Variants in IQSEC1 observed in about 807,000 individuals in gnomAD.
IQSEC1 encodes the protein IQ motif and Sec7 domain ArfGEF 1, also known as IQ motif and SEC7 domain-containing protein 1.
In IQSEC1, 31 loss-of-function variants were observed where a neutral mutation model predicts 91.0. The observed-to-expected ratio is 0.34, with a 90% confidence interval of 0.26 to 0.46. The LOEUF (loss-of-function observed/expected upper bound fraction) is 0.46, where lower values mean the gene tolerates loss of function less well. Ranked by LOEUF, IQSEC1 falls within the 20% of genes least tolerant of loss-of-function variation. IQSEC1 has a pLI of 1.00. For missense variants in IQSEC1, 1,388 were observed against 1,575.6 expected (o/e 0.88, Z 2.02); for synonymous variants, 699 against 662.6 (o/e 1.05, Z -0.84).
At chr3:13,100,577 T>C (rs965865141) in intron 2 of IQSEC1, among the ~76,000 whole-genome samples, 4 of 148,330 alleles carry the variant, frequency 2.7e-5, no homozygotes, top group African/African-American at 1.0e-4. Context: ...AACTACAAGG[T>C]CACTGATTTT....
chr3:13,233,825 A>C (rs552297472), intron 1 of IQSEC1, among the ~76,000 whole-genome samples: 28 of 152,296 alleles, frequency 1.8e-4, no homozygotes, highest in Admixed American at 1.3e-3. Context: ...CTCCCTGCTC[A>C]CATGTGGTAT....
chr3:12,964,232 C>T (rs903426887), intron 1 of IQSEC1, among the ~76,000 whole-genome samples: 4 of 152,096 alleles, frequency 2.6e-5, no homozygotes, highest in African/African-American at 9.7e-5. Flanking sequence ...GGCCTCTAAA[C>T]TCATTACAAT....
chr3:12,951,633 G>A (rs1031591260), intron 1 of IQSEC1, among the ~76,000 whole-genome samples: 1 of 152,170 alleles, frequency 6.6e-6, no homozygotes, highest in Non-Finnish European at 1.5e-5. Context: ...GCAGTTCTAG[G>A]AGAATGATGC....
intron 1 of IQSEC1, among the ~76,000 whole-genome samples, chr3:13,059,664 T>C (rs879656451): frequency 6.4e-4 from 98 of 152,058 alleles, no homozygotes; most frequent in African/African-American, 2.3e-3. Context: ...GGTGGGAGGA[T>C]CACCCGAGCC....
At chr3:13,195,933 T>G (rs73031474) in intron 1 of IQSEC1, among the ~76,000 whole-genome samples, 1 of 152,326 alleles carries the variant, frequency 6.6e-6, no homozygotes, top group South Asian at 2.1e-4. Context: ...TGGAGGAAAC[T>G]GGGTGGAGGG....
chr3:12,920,647 G>A (rs1340282611), intron 5 of IQSEC1, 51 bp from the exon 6 acceptor site: 1 of 1,581,906 alleles, frequency 6.3e-7, no homozygotes, highest in Non-Finnish European at 8.7e-7. Flanking sequence ...AAGTGACACG[G>A]CCCCTCTCTC....
At chr3:13,138,449 C>A (rs1206870284) in intron 2 of IQSEC1, among the ~76,000 whole-genome samples, 3 of 152,026 alleles carry the variant, frequency 2.0e-5, no homozygotes, top group Non-Finnish European at 4.4e-5. Context: ...AACACCCACC[C>A]CTGCAGCCTC....
At chr3:13,274,687 G>A (rs1695647090) in intron 1 of IQSEC1, among the ~76,000 whole-genome samples, 1 of 152,222 alleles carries the variant, frequency 6.6e-6, no homozygotes, top group South Asian at 2.1e-4. Context: ...AGCGGAGTGG[G>A]GAGGTCAGAC....
chr3:12,915,082 G>A, intron 8 of IQSEC1, 22 bp downstream of exon 8: 1 of 1,597,824 alleles, frequency 6.3e-7, no homozygotes, highest in Non-Finnish European at 8.5e-7. Flanking sequence ...ACCCACAAAG[G>A]TAAAACCAGA....
At chr3:12,923,223 T>C (rs1298038370) in intron 4 of IQSEC1, among the ~76,000 whole-genome samples, 4 of 152,170 alleles carry the variant, frequency 2.6e-5, no homozygotes, top group African/African-American at 9.7e-5. Context: ...GCCACTGCTA[T>C]TTTCTGACCT....
chr3:13,108,539 T>C (rs17833070), intron 2 of IQSEC1, among the ~76,000 whole-genome samples: 12,737 of 152,062 alleles, frequency 0.084, 534 homozygotes, highest in Middle Eastern at 0.15. Flanking sequence ...AGCACTCATG[T>C]TTCCTCTTGC....
intron 1 of IQSEC1, among the ~76,000 whole-genome samples, chr3:13,190,801 G>T (rs1188495754): frequency 6.6e-6 from 1 of 152,190 alleles, no homozygotes; most frequent in Non-Finnish European, 1.5e-5. Flanking sequence ...TAAGTTAAAG[G>T]AGAGTACAGG....
rs531882412 is a variant in IQSEC1 at position 12,989,214 on chromosome 3, C to T, written c.24-47349G>A. 4.7e-4 allele frequency among the ~76,000 whole-genome samples: 71 copies of T among 152,330 alleles called. 1 individual carries two copies. The South Asian group carries it at 0.014, about 31-fold the overall frequency. On this transcript the variant is annotated intron_variant, in intron 1 of 13. Coordinates refer to ENST00000613206, the MANE Select transcript of IQSEC1 (RefSeq NM_001134382.3). Reference sequence around the variant, plus strand: ...AAAAGCTCCCGGAGGGCATGGCTTTCGGTCTCTTTTGCTCCAGTGGTAACC... The same window carrying T: ...AAAAGCTCCCGGAGGGCATGGCTTTTGGTCTCTTTTGCTCCAGTGGTAACC...
At chr3:13,089,362 T>G (rs2125137432) in intron 2 of IQSEC1, among the ~76,000 whole-genome samples, 1 of 152,336 alleles carries the variant, frequency 6.6e-6, no homozygotes, top group Non-Finnish European at 1.5e-5. Context: ...GGAGAATTAC[T>G]TGAGCCCAGG....
At chr3:12,985,670 G>T (rs1384852743) in intron 1 of IQSEC1, among the ~76,000 whole-genome samples, 1 of 152,168 alleles carries the variant, frequency 6.6e-6, no homozygotes, top group African/African-American at 2.4e-5. Flanking sequence ...AGTGGGGGGG[G>T]TCACTGGATA....
At chr3:13,114,042 C>T (rs946425040) in intron 2 of IQSEC1, among the ~76,000 whole-genome samples, 3 of 152,234 alleles carry the variant, frequency 2.0e-5, no homozygotes, top group Non-Finnish European at 4.4e-5. Context: ...GTAGGCTTAG[C>T]GTGTGCACAC....
chr3:13,013,105 C>T (rs1233171263), intron 1 of IQSEC1, among the ~76,000 whole-genome samples: 1 of 151,936 alleles, frequency 6.6e-6, no homozygotes, highest in East Asian at 1.9e-4. Flanking sequence ...GGATTACCGG[C>T]ATGCGCCACC....
intron 3 of IQSEC1, among the ~76,000 whole-genome samples, chr3:12,932,627 T>C (rs777215479): frequency 3.9e-5 from 6 of 152,212 alleles, no homozygotes; most frequent in Admixed American, 6.5e-5. Flanking sequence ...CTTGGCACTC[T>C]GGACACAGAA....
At chr3:13,145,092 G>T (rs72658708) in intron 2 of IQSEC1, among the ~76,000 whole-genome samples, 8,104 of 152,282 alleles carry the variant, frequency 0.053, 730 homozygotes, top group African/African-American at 0.18. Context: ...AGGGTGGGGG[G>T]GCTGGCATGA....
Sources: gnomAD v4.1 joint callset for allele counts (sites outside exome capture counted in the v4.1 genomes callset) on GRCh38, gnomAD v4.1.1 for gene constraint, MANE v1.5 for transcripts, NCBI Gene and HGNC (gene_info 2026-07-23, HGNC 2026-07-21) for gene names.